RPS6KC1: variants seen among roughly 807,000 people sequenced by gnomAD.
RPS6KC1 encodes inactive ribosomal protein S6 kinase delta-1.
A neutral mutation model predicts 103.8 loss-of-function variants in RPS6KC1; 54 were observed. The observed-to-expected ratio is 0.52, with a 90% CI of 0.42 to 0.65. The LOEUF is 0.65. Ranked by LOEUF, RPS6KC1 falls within the 30% of genes least tolerant of loss-of-function variation. The pLI is 0.00. For missense variants in RPS6KC1, 1,151 were observed against 1,253.8 expected (o/e 0.92, Z 1.24); for synonymous variants, 439 against 438.7 (o/e 1.00, Z -0.01).
chr1:213,862,515 T>A, the RPS6KC1 span, among the ~76,000 whole-genome samples: 19 of 152,192 alleles, frequency 1.2e-4, 1 homozygote, highest in Admixed American at 1.2e-3. Flanking sequence ...AGCAGCGATT[T>A]TTTTTTTCTA....
At chr1:213,177,654 A>G (rs529916295) in intron 8 of RPS6KC1, among the ~76,000 whole-genome samples, 16 of 152,318 alleles carry the variant, frequency 1.1e-4, no homozygotes, top group African/African-American at 3.4e-4. Context: ...AAATATTTTC[A>G]TAACCGTGTT....
chr1:213,430,454 A>G, the RPS6KC1 span, among the ~76,000 whole-genome samples: 1 of 152,232 alleles, frequency 6.6e-6, no homozygotes, highest in Admixed American at 6.5e-5. Flanking sequence ...CAGAGACTGT[A>G]GCACATATAT....
At chr1:213,145,891 A>T (rs1029563668) in intron 6 of RPS6KC1, among the ~76,000 whole-genome samples, 4 of 150,092 alleles carry the variant, frequency 2.7e-5, no homozygotes, top group East Asian at 2.0e-4. Context: ...CTATGTTTTT[A>T]AAAAATGTAC....
chr1:213,213,210 C>A (rs533078448), intron 8 of RPS6KC1, among the ~76,000 whole-genome samples: 1 of 152,270 alleles, frequency 6.6e-6, no homozygotes, highest in African/African-American at 2.4e-5. Context: ...TTATATTTTA[C>A]ATTTAGGTCT....
chr1:213,644,665 A>G, the RPS6KC1 span, among the ~76,000 whole-genome samples: 1 of 152,064 alleles, frequency 6.6e-6, no homozygotes, highest in African/African-American at 2.4e-5. Context: ...AGTAATATGC[A>G]TTGAAGTTTC....
chr1:213,771,657 A>T, the RPS6KC1 span, among the ~76,000 whole-genome samples: 1 of 152,258 alleles, frequency 6.6e-6, no homozygotes, highest in Non-Finnish European at 1.5e-5. Context: ...ATACTTACAT[A>T]GTCCTTTAAA....
the RPS6KC1 span, among the ~76,000 whole-genome samples, chr1:213,416,669 C>T: frequency 0.044 from 6,695 of 152,304 alleles, 191 homozygotes; most frequent in African/African-American, 0.078. Flanking sequence ...TGGTGTCGTG[C>T]CTCCGCTGGG....
At chr1:213,488,839 G>T in the RPS6KC1 span, among the ~76,000 whole-genome samples, 1 of 152,168 alleles carries the variant, frequency 6.6e-6, no homozygotes, top group Non-Finnish European at 1.5e-5. Flanking sequence ...GCCTTAGAGC[G>T]CTCTGCCTTG....
intron 5 of RPS6KC1, among the ~76,000 whole-genome samples, chr1:213,128,621 C>G (rs1160241506): frequency 6.6e-6 from 1 of 152,106 alleles, no homozygotes; most frequent in Non-Finnish European, 1.5e-5. Context: ...TGTCTGAAAA[C>G]TAAGGTGGAA....
At chr1:213,623,340 T>G in the RPS6KC1 span, among the ~76,000 whole-genome samples, 1 of 152,174 alleles carries the variant, frequency 6.6e-6, no homozygotes, top group Admixed American at 6.5e-5. Flanking sequence ...AATAGTTTCA[T>G]TCATCCATCC....
the RPS6KC1 span, among the ~76,000 whole-genome samples, chr1:213,654,736 C>T: frequency 2.0e-5 from 3 of 152,224 alleles, no homozygotes; most frequent in Non-Finnish European, 4.4e-5. Flanking sequence ...GTTTTTGCTG[C>T]CTGTCTGATT....
chr1:213,133,531 C>G (rs1446304138), intron 6 of RPS6KC1, among the ~76,000 whole-genome samples: 1 of 152,104 alleles, frequency 6.6e-6, no homozygotes, highest in Non-Finnish European at 1.5e-5. Context: ...ATTCTAAAAG[C>G]TTGGCACCTA....
chr1:213,759,889 C>CAATGCA, the RPS6KC1 span, among the ~76,000 whole-genome samples: 2 of 152,208 alleles, frequency 1.3e-5, no homozygotes, highest in Non-Finnish European at 2.9e-5. Flanking sequence ...AGCACAGAGC[C>CAATGCA]AATGCACTCC....
At chr1:213,465,412 T>G in the RPS6KC1 span, among the ~76,000 whole-genome samples, 1 of 152,206 alleles carries the variant, frequency 6.6e-6, no homozygotes, top group Non-Finnish European at 1.5e-5. Context: ...TTAAAGGGCA[T>G]ACACATTTTC....
chr1:213,399,091 G>T, the RPS6KC1 span, among the ~76,000 whole-genome samples: 1 of 152,128 alleles, frequency 6.6e-6, no homozygotes, highest in Non-Finnish European at 1.5e-5. Flanking sequence ...AAATTATAGA[G>T]GCATTATCAA....
chr1:213,846,197 G>GGAGAATCCCA, the RPS6KC1 span, among the ~76,000 whole-genome samples: 1 of 151,828 alleles, frequency 6.6e-6, no homozygotes, highest in South Asian at 2.1e-4. Flanking sequence ...CTACTAGGGA[G>GGAGAATCCCA]GCTGAGGCAG....
At chr1:213,320,632 C>A in the RPS6KC1 span, among the ~76,000 whole-genome samples, 2 of 152,234 alleles carry the variant, frequency 1.3e-5, no homozygotes, top group Non-Finnish European at 2.9e-5. Flanking sequence ...GGAAAATCCC[C>A]ACCCTTAATG....
At chr1:213,283,932 A>G in the RPS6KC1 span, among the ~76,000 whole-genome samples, 5 of 152,188 alleles carry the variant, frequency 3.3e-5, no homozygotes, top group Admixed American at 6.5e-5. Context: ...AACTAATTTC[A>G]TGTAAAAATG....
chr1:213,103,648 T>G (rs1487839872), intron 3 of RPS6KC1, among the ~76,000 whole-genome samples: 1 of 152,184 alleles, frequency 6.6e-6, no homozygotes, highest in East Asian at 1.9e-4. Flanking sequence ...TGCCTCAGTT[T>G]TCTGTTAATA....
Sources: gnomAD v4.1 joint callset for allele counts (sites outside exome capture counted in the v4.1 genomes callset) on GRCh38, gnomAD v4.1.1 for gene constraint, MANE v1.5 for transcripts, NCBI Gene and HGNC (gene_info 2026-07-23, HGNC 2026-07-21) for gene names.